The following SLC6A4 variants were observed in gnomAD, a reference collection of about 807,000 sequenced individuals.
SLC6A4 encodes the protein solute carrier family 6 member 4, also known as sodium-dependent serotonin transporter.
In SLC6A4, 22 loss-of-function variants were observed where a neutral mutation model predicts 73.4. The observed-to-expected ratio is 0.30, with a 90% CI of 0.21 to 0.43. The LOEUF (loss-of-function observed/expected upper bound fraction) is 0.43, where lower values mean the gene tolerates loss of function less well. Ranked by LOEUF, SLC6A4 falls within the 20% of genes least tolerant of loss-of-function variation. SLC6A4 has a pLI of 1.00. For missense variants in SLC6A4, 593 were observed against 808.5 expected, an observed-to-expected ratio of 0.73 and a Z score of 3.23; for synonymous variants, 270 against 315.5, an observed-to-expected ratio of 0.86 and a Z score of 1.53.
At chr17:30,214,379 GC>G (rs1407145532) in intron 8 of SLC6A4, among the ~76,000 whole-genome samples, 1 of 124,196 alleles carries the variant, frequency 8.1e-6, no homozygotes, top group Non-Finnish European at 1.6e-5. Context: ...CTGAGATTGC[GC>G]CATTGCACTC....
chr17:30,218,894 A>C lies in SLC6A4; in HGVS notation c.381T>G (p.Phe127Leu). The C allele has an allele frequency of 3.7e-6, 6 of 1,614,016 alleles. No homozygotes were observed. Among genetic ancestry groups the C allele is most frequent in the South Asian group, 2.2e-5 (2 of 91,068 alleles). Residue 127 changes from phenylalanine (F) to leucine (L), a missense_variant, in exon 4 of 15, where the codon TTT becomes TTG. By Grantham distance (22) the Phe-to-Leu change is conservative. Transcript: ENST00000650711. ...FLLPYTIMAIFGGIPLFYMEL... is the reference protein window; with the variant it reads ...FLLPYTIMAILGGIPLFYMEL... ...CCATGTAAAAGAGCGGGATTCCCCCAAAAATGGCCATGATGGTGTAGGGGA... is the reference window on the plus strand; with the variant it reads ...CCATGTAAAAGAGCGGGATTCCCCCCAAAATGGCCATGATGGTGTAGGGGA...
At chr17:30,225,215 G>T (rs1043819896) in intron 1 of SLC6A4, among the ~76,000 whole-genome samples, 2 of 151,910 alleles carry the variant, frequency 1.3e-5, no homozygotes, top group Non-Finnish European at 2.9e-5. Flanking sequence ...ACTCAGAGGA[G>T]ACACACATCT....
At chr17:30,232,940 G>A (rs752962052) in intron 1 of SLC6A4, among the ~76,000 whole-genome samples, 3 of 152,214 alleles carry the variant, frequency 2.0e-5, no homozygotes, top group Admixed American at 1.3e-4. Context: ...GGTGGAGCCC[G>A]TGCCCACCTG....
chr17:30,226,957 G>A (rs1004137693), intron 1 of SLC6A4, among the ~76,000 whole-genome samples: 3 of 152,212 alleles, frequency 2.0e-5, no homozygotes, highest in Admixed American at 6.5e-5. Context: ...CCTAAAATCT[G>A]AAAAAGAAAA....
In SLC6A4 at chr17:30,198,179, G is replaced by C; in HGVS notation, c.*277C>G. On this transcript the variant is annotated 3_prime_UTR_variant, in exon 15 of 15. Transcript: ENST00000650711. ...CTAAACCTAATCCTAACTGATGATA[G>C]GGTGGTTTTCATCACCTCCATCCAC... 1 of 368,210 alleles carries C rather than the reference G, an allele frequency of 2.7e-6. No individual in the cohort carries two copies. The highest frequency in any genetic ancestry group is 1.1e-4 in the South Asian group (1 of 9,246). The allele number at this position is 368,210 out of a possible 1,614,324, so 22.8% of individuals were successfully genotyped here. A position where few individuals can be genotyped will look rare whatever the true frequency, so the allele number is the denominator to read the frequency against.
Position 30,197,189 on chromosome 17 carries a change from T to G in SLC6A4, c.*1267A>C, listed in dbSNP as rs200823126. 1 of 152,282 alleles carries G rather than the reference T, an allele frequency of 6.6e-6. No homozygotes were observed. The highest frequency in any genetic ancestry group is 1.5e-5 in the Non-Finnish European group (1 of 68,026). The allele number at this position is 152,282 out of a possible 1,614,324, so 9.4% of individuals were successfully genotyped here. The stretch of plus-strand genomic sequence containing the variant: ...ACTTATCTATATTAAGGGCCTTATG[T>G]GAAATGAAAGGTGATTTACTTAGCT... On this transcript the variant is annotated 3_prime_UTR_variant, in exon 15 of 15. Transcript: ENST00000650711.
chr17:30,208,103 T>C (rs1906264735), intron 12 of SLC6A4, among the ~76,000 whole-genome samples: 1 of 152,028 alleles, frequency 6.6e-6, no homozygotes, highest in African/African-American at 2.4e-5. Flanking sequence ...TCTTTCTACA[T>C]AGGGTGGGAG....
intron 14 of SLC6A4, among the ~76,000 whole-genome samples, chr17:30,199,253 A>G (rs1315136101): frequency 1.3e-5 from 2 of 152,036 alleles, no homozygotes; most frequent in Non-Finnish European, 2.9e-5. Context: ...GGTGTGAAAT[A>G]TACAACTGGC....
chr17:30,210,451 G>C (rs1166290977), intron 11 of SLC6A4, 64 bp downstream of exon 11: 7 of 1,542,836 alleles, frequency 4.5e-6, no homozygotes, highest in African/African-American at 1.4e-5. Flanking sequence ...GAGACGAACA[G>C]CTTCCTGTAG....
rs1567824238 is a variant in SLC6A4 at position 30,230,122 on chromosome 17, A to AGGAGGAG, written c.-221+5490_-221+5491insCTCCTCC. Among the ~76,000 whole-genome samples the AGGAGGAG allele has an allele frequency of 1.5e-3, 182 of 123,448 alleles. 2 individuals are homozygous for AGGAGGAG. The highest frequency in any genetic ancestry group is 5.3e-3 in the African/African-American group (168 of 31,954). 81.0% of individuals were successfully genotyped at this position (123,448 alleles called of 152,430 possible). On this transcript the variant is annotated intron_variant, in intron 1 of 14. Transcript: ENST00000650711. ...AGGAGGAAGAGGAAGAGGAAGAGGAAGAGGAGGAGGAGGAGGAGGAGGAGG... is the reference window on the plus strand; with the variant it reads ...AGGAGGAAGAGGAAGAGGAAGAGGAAGGAGGAGGAGGAGGAGGAGGAGGAGGAGGAGG...
intron 13 of SLC6A4, among the ~76,000 whole-genome samples, chr17:30,205,181 AT>A (rs1567815874): frequency 6.6e-6 from 1 of 152,148 alleles, no homozygotes; most frequent in Non-Finnish European, 1.5e-5. Flanking sequence ...ATTAATTTTT[AT>A]TTTTAAAAAA....
Position 30,207,795 on chromosome 17 carries a change from G to A in SLC6A4, c.1587C>T (p.Leu529=), listed in dbSNP as rs33919215. 188 of 1,614,066 alleles carry A rather than the reference G, an allele frequency of 1.2e-4. No homozygotes were observed. Among genetic ancestry groups the A allele is most frequent in the Admixed American group, 2.2e-4 (13 of 60,010 alleles). The stretch of plus-strand genomic sequence containing the variant: ...TCCAGAACCACCCCGGGCTGAAGCC[G>A]AGCATTTCCTTCACGTCCCTGCAGA... The part of the protein sequence containing the change: ...TQFCRDVKEM[L]GFSPGWFWRI... The change falls in exon 13 of 15, where the codon CTC becomes CTT. Residue 529 remains leucine (L), a synonymous_variant. Coordinates refer to ENST00000650711, the MANE Select transcript of SLC6A4 (RefSeq NM_001045.6).
chr17:30,209,039 C>A, intron 12 of SLC6A4, 104 bp downstream of exon 12: 1 of 766,016 alleles, frequency 1.3e-6, no homozygotes, highest in Non-Finnish European at 2.2e-6. Flanking sequence ...GAGGTCACAT[C>A]TTGTAAACTG....
At chr17:30,205,080 G>A (rs2143013604) in intron 13 of SLC6A4, among the ~76,000 whole-genome samples, 1 of 152,268 alleles carries the variant, frequency 6.6e-6, no homozygotes, top group South Asian at 2.1e-4. Flanking sequence ...CCAGATGAGG[G>A]TAAAGCGAGT....
intron 1 of SLC6A4, among the ~76,000 whole-genome samples, chr17:30,228,126 G>A (rs1189266228): frequency 6.6e-6 from 1 of 152,202 alleles, no homozygotes; most frequent in Non-Finnish European, 1.5e-5. Context: ...TCTTTCATTA[G>A]TTCCTCTGTT....
At chr17:30,222,309 A>G (rs1478224567) in intron 2 of SLC6A4, among the ~76,000 whole-genome samples, 1 of 152,174 alleles carries the variant, frequency 6.6e-6, no homozygotes, top group African/African-American at 2.4e-5. Flanking sequence ...AAACAATAAA[A>G]CCAACACAAA....
chr17:30,204,308 T>G (rs1036330809), intron 13 of SLC6A4: 3 of 152,238 alleles, frequency 2.0e-5, no homozygotes, highest in African/African-American at 2.4e-5. Flanking sequence ...TTTTTTTTTC[T>G]TTGTCTGCAG....
At chr17:30,199,820 C>T (rs1392987983) in intron 14 of SLC6A4, among the ~76,000 whole-genome samples, 1 of 152,080 alleles carries the variant, frequency 6.6e-6, no homozygotes, top group Non-Finnish European at 1.5e-5. Flanking sequence ...TTCCCACAGA[C>T]TAACATGTGA....
intron 11 of SLC6A4, 32 bp from the exon 12 acceptor site, chr17:30,209,274 C>G: frequency 7.1e-7 from 1 of 1,404,492 alleles, no homozygotes; most frequent in Non-Finnish European, 1.0e-6. Flanking sequence ...GGGTGAGGGC[C>G]CTCCAAGGAG....
Sources: allele counts gnomAD v4.1 joint callset (sites outside exome capture counted in the v4.1 genomes callset), GRCh38; gene constraint gnomAD v4.1.1; transcripts MANE v1.5; gene names NCBI Gene and HGNC (gene_info 2026-07-23, HGNC 2026-07-21).